LRRC4C: variants seen among roughly 807,000 people sequenced by gnomAD.
LRRC4C encodes leucine-rich repeat-containing protein 4C.
Under a neutral mutation model 33.6 loss-of-function variants are expected in LRRC4C, and 5 were observed. That is an observed-to-expected ratio of 0.15 (90% confidence interval 0.08 to 0.31). The LOEUF (loss-of-function observed/expected upper bound fraction) is 0.31. Ranked by LOEUF, LRRC4C falls within the 10% of genes least tolerant of loss-of-function variation. LRRC4C has a pLI of 1.00. For synonymous variants in LRRC4C, 329 were observed against 302.0 expected (o/e 1.09, Z -0.93); for missense variants, 560 against 796.7 (o/e 0.70, Z 3.58).
intron 1 of LRRC4C, among the ~76,000 whole-genome samples, chr11:41,154,447 A>G (rs1348652379): frequency 6.6e-6 from 1 of 152,180 alleles, no homozygotes; most frequent in Non-Finnish European, 1.5e-5. Flanking sequence ...ACCAAATTTT[A>G]AAAATTTATT....
At chr11:41,106,812 T>C (rs1328505068) in intron 1 of LRRC4C, among the ~76,000 whole-genome samples, 3 of 151,754 alleles carry the variant, frequency 2.0e-5, no homozygotes, top group Non-Finnish European at 4.4e-5. Flanking sequence ...GCCCAGGAGA[T>C]TGAGAACAGC....
intron 6 of LRRC4C, among the ~76,000 whole-genome samples, chr11:40,130,024 AT>A (rs1856538300): frequency 6.6e-6 from 1 of 152,136 alleles, no homozygotes; most frequent in Admixed American, 6.6e-5. Context: ...TTTCGATCTT[AT>A]TCACTTTTTG....
chr11:40,787,035 C>T (rs904859944), intron 2 of LRRC4C, among the ~76,000 whole-genome samples: 3 of 152,036 alleles, frequency 2.0e-5, no homozygotes, highest in Non-Finnish European at 2.9e-5. Context: ...ACAGGCAATC[C>T]GAGACACTCA....
At chr11:40,188,810 G>T (rs566800361) in intron 5 of LRRC4C, among the ~76,000 whole-genome samples, 93 of 125,512 alleles carry the variant, frequency 7.4e-4, no homozygotes, top group African/African-American at 2.2e-3. Context: ...AGACCTTGAT[G>T]ACATGAAATG....
chr11:40,621,925 C>T (rs1360519950), intron 3 of LRRC4C, among the ~76,000 whole-genome samples: 1 of 151,758 alleles, frequency 6.6e-6, no homozygotes, highest in East Asian at 1.9e-4. Flanking sequence ...AAGTTAAAGA[C>T]TTTGCCCCAG....
intron 3 of LRRC4C, among the ~76,000 whole-genome samples, chr11:40,399,219 A>G (rs1949663252): frequency 6.6e-6 from 1 of 152,180 alleles, no homozygotes; most frequent in South Asian, 2.1e-4. Flanking sequence ...TGCTGCTATA[A>G]AGACACATGC....
chr11:41,281,886 A>C (rs367952258), intron 1 of LRRC4C, among the ~76,000 whole-genome samples: 13 of 152,230 alleles, frequency 8.5e-5, no homozygotes, highest in Admixed American at 2.0e-4. Context: ...ATATGAAATA[A>C]ATGTTATAAT....
Position 40,995,620 on chromosome 11 carries a change from C to A in LRRC4C, c.-495-61897G>T, listed in dbSNP as rs550400876. The stretch of plus-strand genomic sequence containing the variant: ...GTCTATTGCTATCTAATTTTAGATA[C>A]CATATGTGTTTCTTATATGTTCTTA... On this transcript the variant is annotated intron_variant, in intron 1 of 6. Coordinates refer to ENST00000528697, the MANE Select transcript of LRRC4C (RefSeq NM_001258419.2). Among the ~76,000 whole-genome samples, 4 of 152,206 alleles carry A rather than the reference C, an allele frequency of 2.6e-5. No individual in the cohort carries two copies. In the South Asian group the frequency reaches 8.3e-4, roughly 32 times the overall value.
intron 2 of LRRC4C, among the ~76,000 whole-genome samples, chr11:40,862,874 G>A (rs1276345563): frequency 6.6e-6 from 1 of 152,144 alleles, no homozygotes; most frequent in Non-Finnish European, 1.5e-5. Flanking sequence ...ATTGCTGAGG[G>A]GCATTTATTA....
At chr11:40,999,827 A>G (rs778228831) in intron 1 of LRRC4C, among the ~76,000 whole-genome samples, 27 of 152,264 alleles carry the variant, frequency 1.8e-4, no homozygotes, top group African/African-American at 6.5e-4. Context: ...TTTCCCTAGC[A>G]GAGCGTGAAA....
intron 1 of LRRC4C, among the ~76,000 whole-genome samples, chr11:41,193,914 AAG>A (rs1230434487): frequency 6.6e-6 from 1 of 151,984 alleles, no homozygotes; most frequent in Non-Finnish European, 1.5e-5. Flanking sequence ...TACAGCCAAA[AAG>A]AGAGAAATTG....
chr11:41,123,339 C>T (rs1240950816), intron 1 of LRRC4C, among the ~76,000 whole-genome samples: 2 of 128,158 alleles, frequency 1.6e-5, no homozygotes, highest in African/African-American at 6.3e-5. Flanking sequence ...GTGGCGGGAT[C>T]TCGGCTCACT....
chr11:40,796,930 G>GCCA (rs1315793717), intron 2 of LRRC4C, among the ~76,000 whole-genome samples: 1 of 152,134 alleles, frequency 6.6e-6, no homozygotes, highest in Non-Finnish European at 1.5e-5. Context: ...ACAGGCATGA[G>GCCA]CCACCACGCC....
At chr11:40,576,394 A>G (rs997938340) in intron 3 of LRRC4C, among the ~76,000 whole-genome samples, 2 of 152,134 alleles carry the variant, frequency 1.3e-5, no homozygotes, top group African/African-American at 4.8e-5. Context: ...TCCTTTTTAT[A>G]ATTTTTAGCC....
chr11:40,241,125 A>C (rs1865899586), intron 5 of LRRC4C, among the ~76,000 whole-genome samples: 1 of 152,162 alleles, frequency 6.6e-6, no homozygotes, highest in African/African-American at 2.4e-5. Flanking sequence ...TCTAGTACTT[A>C]GGGAGGCTGA....
intron 1 of LRRC4C, among the ~76,000 whole-genome samples, chr11:41,451,500 G>A (rs184125105): frequency 3.5e-4 from 54 of 152,156 alleles, no homozygotes. Flanking sequence ...AAATGCAGCA[G>A]TGCTTATAGT....
chr11:40,308,550 T>C lies in LRRC4C; in HGVS notation c.-176+11078A>G, dbSNP rs916113092. Among the ~76,000 whole-genome samples the C allele has an allele frequency of 2.0e-5, 3 of 152,308 alleles. No homozygotes were observed. The South Asian group carries it at 6.2e-4, about 32-fold the overall frequency. ...GATGACCTGGTGGGTCCAATGTAAT[T>C]ATAAGGGTCCTTATAAGAGAAAGGC... On this transcript the variant is annotated intron_variant, in intron 4 of 6. Coordinates refer to ENST00000528697, the MANE Select transcript of LRRC4C (RefSeq NM_001258419.2).
chr11:40,398,373 A>G (rs2137519867), intron 3 of LRRC4C, among the ~76,000 whole-genome samples: 1 of 152,180 alleles, frequency 6.6e-6, no homozygotes, highest in African/African-American at 2.4e-5. Context: ...TCATTAGAAT[A>G]TTAGCTTCAT....
chr11:40,572,448 T>C (rs1040809958), intron 3 of LRRC4C, among the ~76,000 whole-genome samples: 1 of 152,162 alleles, frequency 6.6e-6, no homozygotes, highest in Non-Finnish European at 1.5e-5. Context: ...TACATGTGTT[T>C]AGAAATACAA....
Sources: gnomAD v4.1 joint callset for allele counts (sites outside exome capture counted in the v4.1 genomes callset) on GRCh38, gnomAD v4.1.1 for gene constraint, MANE v1.5 for transcripts, NCBI Gene and HGNC (gene_info 2026-07-23, HGNC 2026-07-21) for gene names.